The following ZNF469 variants were observed in gnomAD, a reference collection of about 807,000 sequenced individuals.
ZNF469 encodes zinc finger protein 469.
ZNF469 carries 1 observed loss-of-function variant against 1.0 expected under a neutral mutation model. The ratio of observed to expected loss-of-function variants is 1.00; its 90% CI spans 0.35 to 4.73. ZNF469 has a LOEUF of 4.73. ZNF469 is among the 30% of genes most tolerant of loss of function. The probability of loss-of-function intolerance (pLI) is 0.16; values close to 1 mark genes in which losing one functional copy is unlikely to be tolerated. For missense variants in ZNF469, 6,100 were observed against 5,356.3 expected (o/e 1.14, Z -4.33); for synonymous variants, 2,703 against 2,363.4 (o/e 1.14, Z -4.17).
the ZNF469 span, among the ~76,000 whole-genome samples, chr16:88,360,686 G>A: frequency 5.8e-5 from 7 of 119,670 alleles, no homozygotes; most frequent in African/African-American, 2.1e-4. Flanking sequence ...CCCAGACAGC[G>A]CCCGCGTGCT....
At chr16:88,115,720 C>T in the ZNF469 span, among the ~76,000 whole-genome samples, 1 of 151,014 alleles carries the variant, frequency 6.6e-6, no homozygotes, top group Admixed American at 6.6e-5. Flanking sequence ...TGGGTCCTTC[C>T]AGCCGTACTC....
chr16:88,246,421 C>T, the ZNF469 span, among the ~76,000 whole-genome samples: 1 of 152,110 alleles, frequency 6.6e-6, no homozygotes, highest in East Asian at 1.9e-4. Flanking sequence ...TCAGAGCAAG[C>T]CAAGTAAGGA....
At chr16:88,182,195 AC>A in the ZNF469 span, among the ~76,000 whole-genome samples, 1 of 152,122 alleles carries the variant, frequency 6.6e-6, no homozygotes, top group African/African-American at 2.4e-5. Context: ...TTTACTTAAA[AC>A]TATAAGATGT....
chr16:88,421,940 C>T (rs1406510067), intron 1 of ZNF469, among the ~76,000 whole-genome samples: 1 of 152,144 alleles, frequency 6.6e-6, no homozygotes, highest in African/African-American at 2.4e-5. Context: ...GCATCCAACA[C>T]AAATGTAAAG....
chr16:88,150,074 G>A, the ZNF469 span, among the ~76,000 whole-genome samples: 9 of 152,340 alleles, frequency 5.9e-5, no homozygotes, highest in East Asian at 5.8e-4. Context: ...TTGAGAGGCC[G>A]AGGCGGGTGG....
chr16:88,395,155 T>G (rs1042987900), intron 1 of ZNF469, among the ~76,000 whole-genome samples: 1 of 152,166 alleles, frequency 6.6e-6, no homozygotes, highest in Non-Finnish European at 1.5e-5. Context: ...GAACTTTCTC[T>G]TATGGCCATG....
At chr16:88,326,005 C>T in the ZNF469 span, among the ~76,000 whole-genome samples, 1 of 152,238 alleles carries the variant, frequency 6.6e-6, no homozygotes, top group Non-Finnish European at 1.5e-5. Context: ...TGATTGCGCC[C>T]CCTCCCCACT....
At chr16:88,123,197 G>T in the ZNF469 span, among the ~76,000 whole-genome samples, 1 of 152,056 alleles carries the variant, frequency 6.6e-6, no homozygotes. Context: ...GCCCCAACCC[G>T]TCTGCTTTCC....
chr16:88,275,116 A>C, the ZNF469 span, among the ~76,000 whole-genome samples: 3 of 151,978 alleles, frequency 2.0e-5, no homozygotes, highest in East Asian at 1.9e-4. Flanking sequence ...CGAGCTCTGC[A>C]ACCTGGAAAC....
At chr16:88,336,329 C>T in the ZNF469 span, among the ~76,000 whole-genome samples, 3 of 151,828 alleles carry the variant, frequency 2.0e-5, no homozygotes, top group Non-Finnish European at 4.4e-5. Context: ...ACGTGAGACA[C>T]TAACATGCCA....
intron 1 of ZNF469, among the ~76,000 whole-genome samples, chr16:88,387,667 A>G (rs2142262592): frequency 6.6e-6 from 1 of 152,178 alleles, no homozygotes. Context: ...GAGAATTCCA[A>G]ATATAAGCTG....
the ZNF469 span, among the ~76,000 whole-genome samples, chr16:88,120,815 GC>G: frequency 6.6e-6 from 1 of 152,154 alleles, no homozygotes; most frequent in Non-Finnish European, 1.5e-5. Flanking sequence ...CGGAGGAGAC[GC>G]CCGTGTCGAG....
At chr16:88,403,991 A>G (rs1396471849) in intron 1 of ZNF469, among the ~76,000 whole-genome samples, 2 of 152,170 alleles carry the variant, frequency 1.3e-5, no homozygotes, top group South Asian at 2.1e-4. Flanking sequence ...CCGCCCTCAC[A>G]CTGACAGTGC....
At chr16:88,288,028 G>T in the ZNF469 span, among the ~76,000 whole-genome samples, 2 of 151,994 alleles carry the variant, frequency 1.3e-5, no homozygotes, top group Non-Finnish European at 2.9e-5. Flanking sequence ...CTCCTCCCAA[G>T]ACTTTCAAAC....
chr16:88,438,880 A>C lies in ZNF469; in HGVS notation c.11410A>C (p.Ser3804Arg), dbSNP rs1056902719. 1.1e-5 allele frequency: 17 copies of C among 1,550,494 alleles called. No individual in the cohort carries two copies. Among genetic ancestry groups the C allele is most frequent in the Non-Finnish European group, 1.5e-5 (17 of 1,146,968 alleles). ...AGCTGGTGAGCAGGGGCCCCACGGGAGCCTAGGTCCCAAGGAGAAGGGAGA... is the reference window on the plus strand; with the variant it reads ...AGCTGGTGAGCAGGGGCCCCACGGGCGCCTAGGTCCCAAGGAGAAGGGAGA... ...REAGEQGPHG[S>R]LGPKEKGESS... The change falls in exon 3 of 3, where the codon AGC (serine) becomes CGC (arginine). Residue 3804 changes from serine to arginine, a missense_variant. Physicochemically the swap from Ser to Arg is moderately radical, Grantham distance 110 (BLOSUM62 -1). Transcript: ENST00000565624.
At chr16:88,118,155 C>G in the ZNF469 span, among the ~76,000 whole-genome samples, 2 of 152,180 alleles carry the variant, frequency 1.3e-5, no homozygotes, top group African/African-American at 4.8e-5. Context: ...GTTGGCCAGG[C>G]TGCTCTCAAA....
In ZNF469 at chr16:88,432,405, C is replaced by T. The variant is rs1270571136; in HGVS notation, c.4935C>T (p.Ala1645=). ...GGGAGGGTGCGGAATCGGCTGTGGC[C>T]ACCGTGGAAGCGGTTCAGGGGAGGC... is the stretch of plus-strand genomic sequence containing the variant. ...AHREGAESAV[A]TVEAVQGRPG... is the part of the protein sequence containing the mutation. Residue 1645 remains alanine (A), a synonymous_variant, in exon 3 of 3, where the codon GCC becomes GCT. Coordinates refer to ENST00000565624, the MANE Select transcript of ZNF469 (RefSeq NM_001367624.2). The T allele has an allele frequency of 1.3e-6, 2 of 1,549,768 alleles. No homozygotes were observed. Among genetic ancestry groups the T allele is most frequent in the African/African-American group, 2.7e-5 (2 of 73,064 alleles).
chr16:88,343,103 C>T, the ZNF469 span, among the ~76,000 whole-genome samples: 7 of 152,180 alleles, frequency 4.6e-5, no homozygotes, highest in Admixed American at 2.6e-4. Flanking sequence ...GGCAAAGCAG[C>T]GGGAACATAG....
chr16:88,420,538 C>G (rs1255291390), intron 1 of ZNF469, among the ~76,000 whole-genome samples: 1 of 152,234 alleles, frequency 6.6e-6, no homozygotes, highest in Non-Finnish European at 1.5e-5. Flanking sequence ...GCAGGGCTCC[C>G]AGGCCTGGTC....
Sources: allele counts gnomAD v4.1 joint callset (sites outside exome capture counted in the v4.1 genomes callset), GRCh38; gene constraint gnomAD v4.1.1; transcripts MANE v1.5; gene names NCBI Gene and HGNC (gene_info 2026-07-23, HGNC 2026-07-21).